Variants in TCEA2 observed in about 807,000 individuals in gnomAD.
The protein encoded by TCEA2 is transcription elongation factor A2.
In TCEA2, 21 loss-of-function variants were observed where a neutral mutation model predicts 40.8. That is an observed-to-expected ratio of 0.51 (90% CI 0.36 to 0.74). The LOEUF (loss-of-function observed/expected upper bound fraction) is 0.74. Ranked by LOEUF, TCEA2 falls within the 30% of genes least tolerant of loss-of-function variation. The pLI is 0.00. For missense variants in TCEA2, 326 were observed against 426.5 expected (o/e 0.76, Z 2.08); for synonymous variants, 165 against 162.7 (o/e 1.01, Z -0.11).
At chr20:64,070,020 C>T (rs1156827118) in intron 6 of TCEA2, 199 bp downstream of exon 6, 4 of 873,402 alleles carry the variant, frequency 4.6e-6, no homozygotes, top group Non-Finnish European at 7.4e-6. Flanking sequence ...ATTCTGTCTG[C>T]TTGTGGGGCC....
intron 1 of TCEA2, 148 bp downstream of exon 1, chr20:64,063,532 C>A (rs1386005223): frequency 2.4e-5 from 23 of 944,586 alleles, no homozygotes; most frequent in Non-Finnish European, 3.2e-5. Flanking sequence ...CAGGGGAGAC[C>A]CCCACCCGTG....
chr20:64,072,213 C>A lies in TCEA2; in HGVS notation c.*33C>A, dbSNP rs568489162. The A allele has an allele frequency of 1.2e-5, 20 of 1,603,120 alleles. No homozygotes were observed. The highest frequency in any genetic ancestry group is 1.0e-4 in the Admixed American group (6 of 59,404). On this transcript the variant is annotated 3_prime_UTR_variant, in exon 10 of 10. Transcript: ENST00000343484. ...TGTAGATGTGCTGCAGCCTTGGGCC[C>A]TCCCCGGCCCACGTCCTCCGTTGAC...
chr20:64,065,337 G>A (rs2059666125), intron 1 of TCEA2, among the ~76,000 whole-genome samples: 2 of 152,214 alleles, frequency 1.3e-5, no homozygotes. Flanking sequence ...GGTTGTGCGG[G>A]CGGTAGGTGG....
At chr20:64,072,047 C>T in intron 9 of TCEA2, 106 bp downstream of exon 9, 1 of 1,595,106 alleles carries the variant, frequency 6.3e-7, no homozygotes, top group Non-Finnish European at 8.6e-7. Context: ...CCCTGCCCAA[C>T]CAGCCTCCTG....
At chr20:64,066,213 C>T (rs991839294) in intron 1 of TCEA2, 14 of 395,160 alleles carry the variant, frequency 3.5e-5, no homozygotes, top group East Asian at 4.3e-5. Flanking sequence ...GTCATTGCCA[C>T]GGATGTGGGT....
chr20:64,069,247 C>G, intron 4 of TCEA2, 114 bp from the exon 5 acceptor site: 1 of 1,423,042 alleles, frequency 7.0e-7, no homozygotes, highest in South Asian at 1.4e-5. Flanking sequence ...CAGAGTAGAA[C>G]AAGCAGGGGT....
chr20:64,067,931 G>A lies in TCEA2; in HGVS notation c.242-116G>A, dbSNP rs1349430115. The A allele has an allele frequency of 2.4e-5, 18 of 746,834 alleles. 1 individual carries two copies. In the South Asian group the frequency reaches 2.8e-4, roughly 12 times the overall value. 46.3% of individuals were successfully genotyped at this position (746,834 alleles called of 1,614,324 possible). ...CCTGGCTGGGTGAGGGGCTGGGGGC[G>A]GGGGCTGGGGCTGGGGCCGTGTTGG... On this transcript the variant is annotated intron_variant, in intron 3 of 9. Transcript: ENST00000343484.
chr20:64,063,481 G>A, intron 1 of TCEA2, 97 bp downstream of exon 1: 2 of 1,356,046 alleles, frequency 1.5e-6, no homozygotes, highest in Non-Finnish European at 2.0e-6. Context: ...CGACCTGAGG[G>A]GCAGGACGAG....
In TCEA2 at chr20:64,063,426, G is replaced by C. The variant is rs1024001908; in HGVS notation, c.72+42G>C. 7 of 1,536,832 alleles carry C rather than the reference G, an allele frequency of 4.6e-6. No individual in the cohort carries two copies. In the African/African-American group the frequency reaches 9.7e-5, roughly 21 times the overall value. ...GCCAGGACCCCGGGAACCCCGCCCC[G>C]CCGAGACCCCGTCGAGCCCGCCGAC... On this transcript the variant is annotated intron_variant, in intron 1 of 9. Coordinates refer to ENST00000343484, the MANE Select transcript of TCEA2 (RefSeq NM_003195.6).
At chr20:64,071,467 G>A (rs955180297) in intron 8 of TCEA2, among the ~76,000 whole-genome samples, 4 of 152,180 alleles carry the variant, frequency 2.6e-5, no homozygotes, top group South Asian at 2.1e-4. Context: ...GGCCTGGGTC[G>A]GTGCAGAGCC....
chr20:64,062,797 T>TG (rs1391800295), upstream of TCEA2: 1 of 152,100 alleles, frequency 6.6e-6, no homozygotes, highest in African/African-American at 2.4e-5. Context: ...CTAGGCCAAG[T>TG]GGGGCGCGCG....
At position 64,066,478 on chromosome 20, in the gene TCEA2, G is replaced by A. The variant is rs768240220; in HGVS notation, c.75G>A (p.Glu25=). ...LDKMVTKKSA[E]GAMDLLRELK... Reference sequence around the variant, plus strand: ...GAAGGTCCTCCTTCTCCTTCCAGGAGGGAGCCATGGATTTGCTGCGGGAGC... The same window carrying A: ...GAAGGTCCTCCTTCTCCTTCCAGGAAGGAGCCATGGATTTGCTGCGGGAGC... The change falls in exon 2 of 10, where the codon GAG becomes GAA. Residue 25 remains glutamate, a splice_region_variant and synonymous_variant. Coordinates refer to ENST00000343484, the MANE Select transcript of TCEA2 (RefSeq NM_003195.6). 2 of 1,613,856 alleles carry A rather than the reference G, an allele frequency of 1.2e-6. No individual in the cohort carries two copies. Among genetic ancestry groups the A allele is most frequent in the South Asian group, 1.1e-5 (1 of 91,092 alleles).
At chr20:64,069,561 C>T (rs981075642) in intron 5 of TCEA2, 70 bp downstream of exon 5, 35 of 1,578,766 alleles carry the variant, frequency 2.2e-5, no homozygotes, top group Middle Eastern at 2.0e-4. Context: ...CCTGCCTGCC[C>T]GCAGAGGCCT....
At chr20:64,070,672 GTC>G (rs2059808047) in intron 8 of TCEA2, 37 bp downstream of exon 8, 3 of 1,506,910 alleles carry the variant, frequency 2.0e-6, no homozygotes, top group Non-Finnish European at 2.7e-6. Flanking sequence ...CGGGCCCGGT[GTC>G]TTCAGGGCAT....
At chr20:64,070,142 C>T (rs2059794921) in intron 6 of TCEA2, 118 bp from the exon 7 acceptor site, 1 of 1,473,246 alleles carries the variant, frequency 6.8e-7, no homozygotes. Context: ...GGCAGACCGA[C>T]CCCTGTGTGG....
chr20:64,069,805 G>C lies in TCEA2; in HGVS notation c.501G>C (p.Ser167=), dbSNP rs749765942. The change falls in exon 6 of 10, where the codon TCG becomes TCC. Residue 167 remains serine (S), a synonymous_variant. Transcript: ENST00000343484. The part of the protein sequence containing the change: ...VAIGADCERL[S]AQIEECIFRD... ...TCGGTGCGGACTGCGAGCGCCTGTC[G>C]GCTCAGATCGAGGAATATATCCTTT... The C allele has an allele frequency of 6.2e-6, 10 of 1,613,796 alleles. No individual in the cohort carries two copies. The highest frequency in any genetic ancestry group is 4.4e-5 in the South Asian group (4 of 91,084).
intron 4 of TCEA2, among the ~76,000 whole-genome samples, chr20:64,068,501 C>T (rs1024441936): frequency 6.6e-6 from 1 of 152,258 alleles, no homozygotes; most frequent in Non-Finnish European, 1.5e-5. Context: ...TCCCTCCTTC[C>T]TGCAAAATTC....
upstream of TCEA2, among the ~76,000 whole-genome samples, chr20:64,061,815 G>A (rs907687974): frequency 2.0e-5 from 3 of 152,102 alleles, no homozygotes; most frequent in Non-Finnish European, 2.9e-5. Context: ...TGCAACCTCC[G>A]CCTTCCGGGT....
chr20:64,062,411 A>G (rs1225383813), upstream of TCEA2: 1 of 152,224 alleles, frequency 6.6e-6, no homozygotes, highest in Non-Finnish European at 1.5e-5. Context: ...GTCATGCTCC[A>G]TCCCCTCTCT....
Sources: gnomAD v4.1 joint callset for allele counts (sites outside exome capture counted in the v4.1 genomes callset) on GRCh38, gnomAD v4.1.1 for gene constraint, MANE v1.5 for transcripts, NCBI Gene and HGNC (gene_info 2026-07-23, HGNC 2026-07-21) for gene names.